The following SASH1 variants were observed in gnomAD, a reference collection of about 807,000 sequenced individuals.
The protein encoded by SASH1 is SAM and SH3 domain-containing protein 1.
Under a neutral mutation model 125.2 loss-of-function variants are expected in SASH1, and 44 were observed. That is an observed-to-expected ratio of 0.35 (90% CI 0.28 to 0.45). The LOEUF is 0.45. SASH1 is among the 20% of genes least tolerant of loss of function. The pLI is 1.00. For synonymous variants in SASH1, 639 were observed against 649.1 expected, an observed-to-expected ratio of 0.98 and a Z score of 0.24; for missense variants, 1,426 against 1,614.5, an observed-to-expected ratio of 0.88 and a Z score of 2.00.
upstream of SASH1, among the ~76,000 whole-genome samples, chr6:148,338,383 C>T (rs138215923): frequency 2.2e-3 from 329 of 150,204 alleles, 2 homozygotes; most frequent in Middle Eastern, 0.01. Flanking sequence ...GCCAAGATCA[C>T]GCCACTGCAC....
At chr6:148,373,077 G>A (rs1782760367) in intron 1 of SASH1, among the ~76,000 whole-genome samples, 1 of 152,076 alleles carries the variant, frequency 6.6e-6, no homozygotes, top group South Asian at 2.1e-4. Context: ...TGTAATCCCA[G>A]CTACTCGGGA....
intron 1 of SASH1, among the ~76,000 whole-genome samples, chr6:148,308,849 C>T (rs1030113669): frequency 2.0e-5 from 3 of 150,316 alleles, no homozygotes; most frequent in East Asian, 2.0e-4. Context: ...TTTGGGAGGC[C>T]GAGGTGGGTG....
At chr6:148,496,566 C>T (rs1179175005) in intron 8 of SASH1, among the ~76,000 whole-genome samples, 1 of 151,968 alleles carries the variant, frequency 6.6e-6, no homozygotes, top group South Asian at 2.1e-4. Flanking sequence ...GAACCCTTTT[C>T]AAAAATCTTT....
At position 148,495,891 on chromosome 6, in the gene SASH1, A is replaced by G. The variant is rs1170059619; in HGVS notation, c.729+8176A>G. On this transcript the variant is annotated intron_variant, in intron 8 of 19. Coordinates refer to ENST00000367467, the MANE Select transcript of SASH1 (RefSeq NM_015278.5). This position sits in a 1 kb window ranked among gnomAD's most constrained non-coding sequence, Gnocchi z 4.0. ...CATTCTGTCACCCAGGCTGGAGTGCAGTGGCACGATCTCGGCCCTCTGCAA... is the reference window on the plus strand; with the variant it reads ...CATTCTGTCACCCAGGCTGGAGTGCGGTGGCACGATCTCGGCCCTCTGCAA... Among the ~76,000 whole-genome samples, 3 of 152,196 alleles carry G rather than the reference A, an allele frequency of 2.0e-5. No individual in the cohort carries two copies. The highest frequency in any genetic ancestry group is 4.4e-5 in the Non-Finnish European group (3 of 68,044).
chr6:148,477,814 C>T (rs886527947), intron 7 of SASH1, among the ~76,000 whole-genome samples: 1 of 151,058 alleles, frequency 6.6e-6, no homozygotes, highest in South Asian at 2.1e-4. Flanking sequence ...TCTCCTGCCT[C>T]AGCCTCCCGA....
At chr6:148,484,493 G>T (rs1377719764) in intron 7 of SASH1, among the ~76,000 whole-genome samples, 3 of 150,238 alleles carry the variant, frequency 2.0e-5, no homozygotes, top group Non-Finnish European at 4.4e-5. Flanking sequence ...AACCAAAGTG[G>T]AATATAAAAA....
intron 4 of SASH1, among the ~76,000 whole-genome samples, chr6:148,455,780 C>T (rs906204040): frequency 4.6e-5 from 7 of 152,174 alleles, no homozygotes; most frequent in Admixed American, 6.5e-5. Context: ...TCAGGGCTGC[C>T]GCGTGTCCAT....
chr6:148,343,301 C>G (rs1191360928), intron 1 of SASH1, 78 bp downstream of exon 1: 1 of 1,427,360 alleles, frequency 7.0e-7, no homozygotes, highest in Non-Finnish European at 9.5e-7. Context: ...TCCCTTCTCG[C>G]CCACCCACTG....
chr6:148,264,105 T>C, the SASH1 span, among the ~76,000 whole-genome samples: 2 of 146,288 alleles, frequency 1.4e-5, no homozygotes, highest in African/African-American at 5.1e-5. Context: ...CTTTCTCTGA[T>C]GAAAGGGAGA....
At chr6:148,382,441 C>G (rs1043984140) in intron 1 of SASH1, among the ~76,000 whole-genome samples, 31 of 152,290 alleles carry the variant, frequency 2.0e-4, no homozygotes, top group Non-Finnish European at 3.1e-4. Context: ...AGGCACCCAC[C>G]ACCACGCCTG....
the SASH1 span, among the ~76,000 whole-genome samples, chr6:148,201,463 C>T: frequency 5.9e-5 from 9 of 152,142 alleles, no homozygotes; most frequent in Admixed American, 5.9e-4. Context: ...GCTGGGCCCA[C>T]CACTGTGCAT....
intron 1 of SASH1, among the ~76,000 whole-genome samples, chr6:148,389,714 T>C (rs183683689): frequency 2.6e-5 from 4 of 152,242 alleles, no homozygotes; most frequent in East Asian, 3.9e-4. Flanking sequence ...AGGGGCCACA[T>C]TGGGCATTAG....
intron 2 of SASH1, among the ~76,000 whole-genome samples, chr6:148,438,075 A>G (rs981931070): frequency 2.6e-5 from 4 of 152,208 alleles, no homozygotes; most frequent in African/African-American, 9.6e-5. Flanking sequence ...AGGTGAATTG[A>G]ACCAGTCACT....
At chr6:148,246,533 T>A in the SASH1 span, among the ~76,000 whole-genome samples, 1 of 152,230 alleles carries the variant, frequency 6.6e-6, no homozygotes, top group African/African-American at 2.4e-5. Context: ...TCATTTCTCA[T>A]CACTAGCTTT....
At chr6:148,326,374 A>ATATG (rs1384320272) in intron 1 of SASH1, among the ~76,000 whole-genome samples, 8 of 42,714 alleles carry the variant, frequency 1.9e-4, no homozygotes, top group East Asian at 1.7e-3. Flanking sequence ...ATATATATAT[A>ATATG]CATTCTTTTC....
chr6:148,416,341 A>G (rs1284672468), intron 2 of SASH1, among the ~76,000 whole-genome samples: 1 of 151,678 alleles, frequency 6.6e-6, no homozygotes. Flanking sequence ...TGTCCTCTGT[A>G]TCCTATTTAA....
At chr6:148,462,408 T>A (rs536653294) in intron 4 of SASH1, among the ~76,000 whole-genome samples, 1 of 152,296 alleles carries the variant, frequency 6.6e-6, no homozygotes, top group East Asian at 1.9e-4. Context: ...ATTGCACTTT[T>A]CTGGTGTGCT....
intron 1 of SASH1, among the ~76,000 whole-genome samples, chr6:148,298,343 A>G (rs866049577): frequency 6.6e-6 from 1 of 151,828 alleles, no homozygotes; most frequent in Non-Finnish European, 1.5e-5. Flanking sequence ...GCAATTTCTC[A>G]CTTTAATTAG....
intron 2 of SASH1, among the ~76,000 whole-genome samples, chr6:148,421,149 G>GAAAGA (rs1785057789): frequency 1.5e-5 from 1 of 67,314 alleles, no homozygotes; most frequent in African/African-American, 4.8e-5. Flanking sequence ...AAGGAAGGAA[G>GAAAGA]AAAGAAAGAA....
Sources: allele counts gnomAD v4.1 joint callset (sites outside exome capture counted in the v4.1 genomes callset), GRCh38; gene constraint gnomAD v4.1.1; non-coding constraint Gnocchi (gnomAD v3.1); transcripts MANE v1.5; gene names NCBI Gene and HGNC (gene_info 2026-07-23, HGNC 2026-07-21).